ETS2: variants seen among roughly 807,000 people sequenced by gnomAD.
ETS2 encodes the protein protein C-ets-2.
ETS2 carries 19 observed loss-of-function variants against 54.9 expected under a neutral mutation model. The observed-to-expected ratio is 0.35, with a 90% CI of 0.24 to 0.51. The LOEUF is 0.51. ETS2 is among the 20% of genes least tolerant of loss of function. ETS2 has a pLI of 0.97. For synonymous variants in ETS2, 219 were observed against 229.3 expected, an observed-to-expected ratio of 0.95 and a Z score of 0.41; for missense variants, 417 against 593.0, an observed-to-expected ratio of 0.70 and a Z score of 3.08.
In ETS2 at chr21:38,813,845, C is replaced by T. The variant is rs553145210; in HGVS notation, c.185-428C>T. Among the ~76,000 whole-genome samples, 14 of 152,302 alleles carry T rather than the reference C, an allele frequency of 9.2e-5. No individual in the cohort carries two copies. The East Asian group carries it at 1.3e-3, about 15-fold the overall frequency. On this transcript the variant is annotated intron_variant, in intron 3 of 9. Transcript: ENST00000360938. ...AAAATGGAAGGTGTGGTTCCATTACCGTGCTAAGTGCGGCACATTCATATC... is the reference window on the plus strand; with the variant it reads ...AAAATGGAAGGTGTGGTTCCATTACTGTGCTAAGTGCGGCACATTCATATC...
chr21:38,814,640 G>A lies in ETS2; in HGVS notation c.305-141G>A. ...TGTGCCTGGGTCGTGTCAGAATGGT[G>A]ACGTGTCATCATGGTATCTTGCTCA... On this transcript the variant is annotated intron_variant, in intron 4 of 9. Coordinates refer to ENST00000360938, the MANE Select transcript of ETS2 (RefSeq NM_005239.6). The surrounding 1 kb of genome is among the most constrained non-coding windows in gnomAD (Gnocchi z 4.2). 1 of 815,360 alleles carries A rather than the reference G, an allele frequency of 1.2e-6. No homozygotes were observed. The highest frequency in any genetic ancestry group is 3.7e-4 in the Middle Eastern group (1 of 2,690). The allele number at this position is 815,360 out of a possible 1,614,324, so 50.5% of individuals were successfully genotyped here. A position where few individuals can be genotyped will look rare whatever the true frequency, so the allele number is the denominator to read the frequency against.
chr21:38,823,939 G>C lies in ETS2; in HGVS notation c.*1050G>C, dbSNP rs954919916. ...CAGCCATTTCCTTCCTGTGCTCCACGTTCTTCTGTGTGATTAAAATAAGAA... is the reference window on the plus strand; with the variant it reads ...CAGCCATTTCCTTCCTGTGCTCCACCTTCTTCTGTGTGATTAAAATAAGAA... On this transcript the variant is annotated 3_prime_UTR_variant, in exon 10 of 10. Transcript: ENST00000360938. 1 of 152,480 alleles carries C rather than the reference G, an allele frequency of 6.6e-6. No individual in the cohort carries two copies. Among genetic ancestry groups the C allele is most frequent in the East Asian group, 1.9e-4 (1 of 5,194 alleles). The allele number at this position is 152,480 out of a possible 1,614,324, so 9.4% of individuals were successfully genotyped here.
intron 5 of ETS2, among the ~76,000 whole-genome samples, chr21:38,815,891 G>C (rs2060930967): frequency 1.4e-5 from 2 of 146,660 alleles, no homozygotes; most frequent in South Asian, 4.5e-4. Flanking sequence ...AGTGAGTCGA[G>C]ATCACACCAC....
At position 38,814,230 on chromosome 21, in the gene ETS2, C is replaced by A. The variant is rs774011410; in HGVS notation, c.185-43C>A. The A allele has an allele frequency of 6.3e-7, 1 of 1,598,354 alleles. No individual in the cohort carries two copies. Among genetic ancestry groups the A allele is most frequent in the East Asian group, 2.2e-5 (1 of 44,680 alleles). Reference sequence around the variant, plus strand: ...TCTCCTAAATCTCCACCTGATATCACCAACTTGAAGTCCTAATGTCCCCAT... The same window carrying A: ...TCTCCTAAATCTCCACCTGATATCAACAACTTGAAGTCCTAATGTCCCCAT... On this transcript the variant is annotated intron_variant, in intron 3 of 9. Coordinates refer to ENST00000360938, the MANE Select transcript of ETS2 (RefSeq NM_005239.6). The surrounding 1 kb of genome is among the most constrained non-coding windows in gnomAD (Gnocchi z 4.2).
chr21:38,813,747 C>T (rs1258106662), intron 3 of ETS2, among the ~76,000 whole-genome samples: 1 of 152,222 alleles, frequency 6.6e-6, no homozygotes, highest in East Asian at 1.9e-4. Context: ...CTGGCGTAAG[C>T]ATAACCCTGC....
At chr21:38,817,483 C>T (rs914950088) in intron 6 of ETS2, among the ~76,000 whole-genome samples, 41 of 152,222 alleles carry the variant, frequency 2.7e-4, no homozygotes, top group Admixed American at 6.5e-5. Flanking sequence ...GTGGCTCACA[C>T]GATCTTCCAT....
In ETS2 at chr21:38,819,517, C is replaced by T. The variant is rs2060948816; in HGVS notation, c.826C>T (p.His276Tyr). 5 of 1,613,922 alleles carry T rather than the reference C, an allele frequency of 3.1e-6. No homozygotes were observed. The highest frequency in any genetic ancestry group is 1.1e-5 in the South Asian group (1 of 91,084). The change falls in exon 8 of 10, where the codon CAC becomes TAC. Residue 276 changes from histidine (H) to tyrosine (Y), a missense_variant. His to Tyr is a moderately conservative substitution (Grantham distance 83). Transcript: ENST00000360938. ...LTNNSGTPKD[H>Y]DSPENGADSF... Reference sequence around the variant, plus strand: ...GTCTTTGCCAGGGACTCCCAAAGACCACGACTCCCCTGAGAACGGTGCGGA... The same window carrying T: ...GTCTTTGCCAGGGACTCCCAAAGACTACGACTCCCCTGAGAACGGTGCGGA...
rs774011410 is a variant in ETS2 at position 38,814,230 on chromosome 21, C to T, written c.185-43C>T. ...TCTCCTAAATCTCCACCTGATATCA[C>T]CAACTTGAAGTCCTAATGTCCCCAT... On this transcript the variant is annotated intron_variant, in intron 3 of 9. Coordinates refer to ENST00000360938, the MANE Select transcript of ETS2 (RefSeq NM_005239.6). The surrounding 1 kb of genome is among the most constrained non-coding windows in gnomAD (Gnocchi z 4.2). The T allele has an allele frequency of 6.3e-7, 1 of 1,598,354 alleles. No individual in the cohort carries two copies.
chr21:38,820,707 G>A (rs145954076), intron 8 of ETS2, among the ~76,000 whole-genome samples: 256 of 152,292 alleles, frequency 1.7e-3, no homozygotes, highest in African/African-American at 3.7e-3. Flanking sequence ...GACAGCTATC[G>A]GTGCTCACAC....
At position 38,814,443 on chromosome 21, in the gene ETS2, T is replaced by C. The variant is rs779617502; in HGVS notation, c.304+51T>C. 18 of 1,604,094 alleles carry C rather than the reference T, an allele frequency of 1.1e-5. No homozygotes were observed. The highest frequency in any genetic ancestry group is 2.2e-5 in the East Asian group (1 of 44,768). ...ACTGGGTGAGAAGAACCAACTTCAG[T>C]GCAGTTGTTTGATCTTGACTTGTTT... On this transcript the variant is annotated intron_variant, in intron 4 of 9. Transcript: ENST00000360938. The surrounding 1 kb of genome is among the most constrained non-coding windows in gnomAD (Gnocchi z 4.2).
At position 38,813,160 on chromosome 21, in the gene ETS2, G is replaced by A; in HGVS notation, c.184+46G>A. ...GACAAATTGTGCATGATTTTCCTAAGTAGTTCAGTTAATAAAGAGATGACA... is the reference window on the plus strand; with the variant it reads ...GACAAATTGTGCATGATTTTCCTAAATAGTTCAGTTAATAAAGAGATGACA... On this transcript the variant is annotated intron_variant, in intron 3 of 9. Transcript: ENST00000360938. The A allele has an allele frequency of 7.5e-6, 9 of 1,203,314 alleles. 1 individual carries two copies. The East Asian group carries it at 1.9e-4, about 25-fold the overall frequency. The allele number at this position is 1,203,314 out of a possible 1,614,324, so 74.5% of individuals were successfully genotyped here.
At chr21:38,815,083 C>T in intron 5 of ETS2, 102 bp downstream of exon 5, 1 of 1,120,434 alleles carries the variant, frequency 8.9e-7, no homozygotes, top group Non-Finnish European at 1.3e-6. Flanking sequence ...AGGGTTGCCA[C>T]TTGAAATGAC....
In ETS2 at chr21:38,822,961, C is replaced by T. The variant is rs559989919; in HGVS notation, c.*72C>T. ...GGGAAGCCCATCCTGACCAGCTGCT[C>T]CGAGGACCCAGGAAAGGCAGGATTG... On this transcript the variant is annotated 3_prime_UTR_variant, in exon 10 of 10. Transcript: ENST00000360938. The T allele has an allele frequency of 9.0e-6, 11 of 1,218,710 alleles. No individual in the cohort carries two copies. The highest frequency in any genetic ancestry group is 3.0e-5 in the Admixed American group (1 of 33,706). 75.5% of individuals were successfully genotyped at this position (1,218,710 alleles called of 1,614,324 possible).
chr21:38,817,572 C>T (rs772361640), intron 6 of ETS2, among the ~76,000 whole-genome samples: 23 of 152,198 alleles, frequency 1.5e-4, no homozygotes, highest in Non-Finnish European at 3.2e-4. Flanking sequence ...CCGCAGTCAC[C>T]AGTAATGTTG....
chr21:38,810,064 C>T lies in ETS2; in HGVS notation c.30C>T (p.Asp10=). MNDFGIKNM[D]QVAPVANSYR... ...ATGATTTCGGAATCAAGAATATGGA[C>T]CAGGTAGCCCCTGTGGCTAACAGTT... The change falls in exon 2 of 10, where the codon GAC becomes GAT. Residue 10 remains aspartate (D), a synonymous_variant. Coordinates refer to ENST00000360938, the MANE Select transcript of ETS2 (RefSeq NM_005239.6). 6.4e-7 allele frequency: 1 copy of T among 1,562,858 alleles called. No individual in the cohort carries two copies. The highest frequency in any genetic ancestry group is 8.6e-7 in the Non-Finnish European group (1 of 1,161,824).
intron 1 of ETS2, among the ~76,000 whole-genome samples, chr21:38,807,949 A>C (rs553743733): frequency 2.0e-5 from 3 of 152,342 alleles, no homozygotes; most frequent in Admixed American, 6.5e-5. Context: ...GACTTATTTC[A>C]TGCAGAGAAA....
Position 38,811,755 on chromosome 21 carries a change from C to T in ETS2, c.73-1248C>T, listed in dbSNP as rs182273992. ...TATCTTTCTGTGTGTCTCTTCTTTTCTGCAGATAGTTTAGTTTAACTTTAA... is the reference window on the plus strand; with the variant it reads ...TATCTTTCTGTGTGTCTCTTCTTTTTTGCAGATAGTTTAGTTTAACTTTAA... On this transcript the variant is annotated intron_variant, in intron 2 of 9. Transcript: ENST00000360938. Among the ~76,000 whole-genome samples the T allele has an allele frequency of 5.0e-3, 759 of 152,322 alleles. 6 individuals carry two copies. Among genetic ancestry groups the T allele is most frequent in the Middle Eastern group, 0.02 (6 of 294 alleles).
At position 38,806,161 on chromosome 21, in the gene ETS2, C is replaced by T; in HGVS notation, c.-1+41C>T. 9.9e-7 allele frequency: 1 copy of T among 1,010,414 alleles called. No homozygotes were observed. The highest frequency in any genetic ancestry group is 1.1e-4 in the East Asian group (1 of 8,994). 62.6% of individuals were successfully genotyped at this position (1,010,414 alleles called of 1,614,324 possible). A position where few individuals can be genotyped will look rare whatever the true frequency, so the allele number is the denominator to read the frequency against. On this transcript the variant is annotated intron_variant, in intron 1 of 9. Transcript: ENST00000360938. The surrounding 1 kb of genome is among the most constrained non-coding windows in gnomAD (Gnocchi z 4.3). The stretch of plus-strand genomic sequence containing the variant: ...GCAGAGAGCGCCCGGCGCGCGGCTC[C>T]AGTCCCATGGAGGGTCACCCGGGGC...
intron 6 of ETS2, among the ~76,000 whole-genome samples, chr21:38,817,436 T>C (rs1213455092): frequency 1.3e-5 from 2 of 152,264 alleles, no homozygotes; most frequent in African/African-American, 2.4e-5. Flanking sequence ...CTTTTTGCTT[T>C]TTTAATATGG....
Sources: gnomAD v4.1 joint callset for allele counts (sites outside exome capture counted in the v4.1 genomes callset) on GRCh38, gnomAD v4.1.1 for gene constraint, Gnocchi (gnomAD v3.1) non-coding constraint, MANE v1.5 for transcripts, NCBI Gene and HGNC (gene_info 2026-07-23, HGNC 2026-07-21) for gene names.